ERICH6B: variants seen among roughly 807,000 people sequenced by gnomAD.
ERICH6B encodes glutamate-rich protein 6B.
ERICH6B carries 69 observed loss-of-function variants against 80.0 expected under a neutral mutation model. The observed-to-expected ratio is 0.86, with a 90% CI of 0.71 to 1.05. The LOEUF (loss-of-function observed/expected upper bound fraction) is 1.05. Among genes scored for constraint, ERICH6B ranks in the 50% least tolerant of loss-of-function variants. The pLI, the probability that ERICH6B is intolerant of heterozygous loss-of-function variation, is 0.00. For synonymous variants in ERICH6B, 283 were observed against 291.9 expected, an observed-to-expected ratio of 0.97 and a Z score of 0.31; for missense variants, 754 against 796.1, an observed-to-expected ratio of 0.95 and a Z score of 0.64.
intron 5 of ERICH6B, among the ~76,000 whole-genome samples, chr13:45,583,961 A>G (rs1875786627): frequency 1.3e-5 from 2 of 152,194 alleles, no homozygotes; most frequent in Non-Finnish European, 2.9e-5. Context: ...ACATTTCTAT[A>G]CACACAATGT....
chr13:45,560,949 T>C (rs966474282), intron 11 of ERICH6B, among the ~76,000 whole-genome samples: 1 of 152,182 alleles, frequency 6.6e-6, no homozygotes, highest in African/African-American at 2.4e-5. Context: ...TCTTGCTATG[T>C]TGCCTAGGCT....
At chr13:45,584,472 C>A (rs1230762373) in intron 5 of ERICH6B, among the ~76,000 whole-genome samples, 1 of 152,138 alleles carries the variant, frequency 6.6e-6, no homozygotes, top group Non-Finnish European at 1.5e-5. Context: ...TTGAACAATT[C>A]CATAATAAAA....
chr13:45,610,596 C>A (rs1949894056), intron 1 of ERICH6B, among the ~76,000 whole-genome samples: 1 of 152,170 alleles, frequency 6.6e-6, no homozygotes, highest in Non-Finnish European at 1.5e-5. Context: ...ACAGCGTGTG[C>A]TCACACAAAC....
chr13:45,583,516 C>T (rs190537064), intron 5 of ERICH6B, among the ~76,000 whole-genome samples: 1 of 152,276 alleles, frequency 6.6e-6, no homozygotes, highest in Admixed American at 6.5e-5. Context: ...CACCAGTTTG[C>T]ACTTTTGAGA....
chr13:45,593,655 GCTC>G (rs1876245726), intron 3 of ERICH6B, among the ~76,000 whole-genome samples: 1 of 152,124 alleles, frequency 6.6e-6, no homozygotes, highest in African/African-American at 2.4e-5. Flanking sequence ...AGGCAGTCAA[GCTC>G]CTGAGAGAAA....
At chr13:45,592,162 T>C (rs1876182145) in intron 3 of ERICH6B, among the ~76,000 whole-genome samples, 1 of 152,172 alleles carries the variant, frequency 6.6e-6, no homozygotes, top group African/African-American at 2.4e-5. Flanking sequence ...TTGGGACAAT[T>C]AAAGGAGATA....
Position 45,541,424 on chromosome 13 carries a change from T to C in ERICH6B, c.*38A>G. On this transcript the variant is annotated 3_prime_UTR_variant, in exon 15 of 15. Transcript: ENST00000298738. ...CCCTGGAGCTCCCAAGGTCTCCAAC[T>C]TCCTAAGGCATTTGGTGGATGCCAG... The C allele has an allele frequency of 6.5e-7, 1 of 1,530,070 alleles. No individual in the cohort carries two copies. Among genetic ancestry groups the C allele is most frequent in the Non-Finnish European group, 8.9e-7 (1 of 1,129,778 alleles). The allele number at this position is 1,530,070 out of a possible 1,614,324, so 94.8% of individuals were successfully genotyped here.
intron 5 of ERICH6B, among the ~76,000 whole-genome samples, 194 bp downstream of exon 5, chr13:45,586,869 G>A (rs1444443209): frequency 6.6e-6 from 1 of 152,160 alleles, no homozygotes; most frequent in Admixed American, 6.5e-5. Context: ...GGGATGGGAT[G>A]AAACAGGAAG....
At chr13:45,557,457 G>C (rs1342679369) in intron 11 of ERICH6B, among the ~76,000 whole-genome samples, 1 of 151,988 alleles carries the variant, frequency 6.6e-6, no homozygotes, top group Non-Finnish European at 1.5e-5. Flanking sequence ...TATTTATCTT[G>C]GTTTTTATTG....
intron 11 of ERICH6B, chr13:45,551,689 T>C (rs952284626): frequency 1.3e-5 from 2 of 152,172 alleles, no homozygotes; most frequent in Non-Finnish European, 2.9e-5. Context: ...AATGCAATAG[T>C]GTTGGGAGAT....
chr13:45,604,770 T>G (rs1949847691), intron 2 of ERICH6B, among the ~76,000 whole-genome samples: 1 of 151,608 alleles, frequency 6.6e-6, no homozygotes, highest in Non-Finnish European at 1.5e-5. Flanking sequence ...AAAAAAAACC[T>G]AAAAAATTAG....
chr13:45,571,045 C>T (rs1348177739), intron 8 of ERICH6B, among the ~76,000 whole-genome samples: 1 of 152,154 alleles, frequency 6.6e-6, no homozygotes, highest in Non-Finnish European at 1.5e-5. Context: ...TGCTGCCTAC[C>T]ATGTTGCTTG....
intron 5 of ERICH6B, among the ~76,000 whole-genome samples, chr13:45,582,750 A>G (rs1297567066): frequency 1.3e-5 from 2 of 152,174 alleles, no homozygotes; most frequent in African/African-American, 4.8e-5. Flanking sequence ...AGTAGCACCC[A>G]CCTAATATAT....
intron 7 of ERICH6B, 87 bp downstream of exon 7, chr13:45,579,846 A>G (rs1875581150): frequency 7.5e-7 from 1 of 1,326,694 alleles, no homozygotes; most frequent in Non-Finnish European, 1.1e-6. Context: ...TGGATCAGAG[A>G]GGGAGCCACC....
At position 45,541,386 on chromosome 13, in the gene ERICH6B, T is replaced by G; in HGVS notation, c.*76A>C. Reference sequence around the variant, plus strand: ...ACTCTCATAAAAGGTCAACAGGTCTTTGGGTTTTTTTTCCCTGGAGCTCCC... The same window carrying G: ...ACTCTCATAAAAGGTCAACAGGTCTGTGGGTTTTTTTTCCCTGGAGCTCCC... On this transcript the variant is annotated 3_prime_UTR_variant, in exon 15 of 15. Coordinates refer to ENST00000298738, the MANE Select transcript of ERICH6B (RefSeq NM_182542.3). The G allele has an allele frequency of 7.7e-7, 1 of 1,293,302 alleles. No homozygotes were observed. Among genetic ancestry groups the G allele is most frequent in the Non-Finnish European group, 1.1e-6 (1 of 929,104 alleles). The allele number at this position is 1,293,302 out of a possible 1,614,324, so 80.1% of individuals were successfully genotyped here.
intron 5 of ERICH6B, among the ~76,000 whole-genome samples, chr13:45,583,556 G>C (rs963043133): frequency 1.3e-5 from 2 of 152,156 alleles, no homozygotes; most frequent in African/African-American, 4.8e-5. Flanking sequence ...ATCTGATATG[G>C]TTTGGCTGTG....
chr13:45,583,844 T>C (rs577893872), intron 5 of ERICH6B, among the ~76,000 whole-genome samples: 1 of 152,306 alleles, frequency 6.6e-6, no homozygotes, highest in African/African-American at 2.4e-5. Context: ...CCATTAAACA[T>C]CTTTTTCTTT....
chr13:45,542,601 G>A (rs1196729126), intron 14 of ERICH6B, among the ~76,000 whole-genome samples: 2 of 152,126 alleles, frequency 1.3e-5, no homozygotes, highest in African/African-American at 4.8e-5. Context: ...GCCTCGCTGG[G>A]CACCTCCTTC....
At chr13:45,549,601 A>G (rs964392147) in intron 13 of ERICH6B, among the ~76,000 whole-genome samples, 3 of 152,184 alleles carry the variant, frequency 2.0e-5, no homozygotes, top group Non-Finnish European at 4.4e-5. Context: ...TCCTAAGCAA[A>G]TTATCACAAA....
Sources: gnomAD v4.1 joint callset for allele counts (sites outside exome capture counted in the v4.1 genomes callset) on GRCh38, gnomAD v4.1.1 for gene constraint, MANE v1.5 for transcripts, NCBI Gene and HGNC (gene_info 2026-07-23, HGNC 2026-07-21) for gene names.